Variants in NIPBL observed in about 807,000 individuals in gnomAD.
NIPBL encodes NIPBL cohesin loading factor.
A neutral mutation model predicts 321.8 loss-of-function variants in NIPBL; 19 were observed. The ratio of observed to expected loss-of-function variants is 0.06; its 90% CI spans 0.04 to 0.09. The LOEUF (loss-of-function observed/expected upper bound fraction) is 0.09. Among genes scored for constraint, NIPBL ranks in the 10% least tolerant of loss-of-function variants. The pLI, the probability that NIPBL is intolerant of heterozygous loss-of-function variation, is 1.00. For synonymous variants in NIPBL, 1,106 were observed against 1,114.1 expected (o/e 0.99, Z 0.14); for missense variants, 2,210 against 3,327.0 (o/e 0.66, Z 8.26).
At chr5:37,015,036 A>G (rs1748773004) in intron 22 of NIPBL, among the ~76,000 whole-genome samples, 1 of 152,070 alleles carries the variant, frequency 6.6e-6, no homozygotes, top group South Asian at 2.1e-4. Context: ...AAATTCTGTA[A>G]TTTGTCTTCA....
At chr5:36,913,706 A>G (rs957952170) in intron 1 of NIPBL, among the ~76,000 whole-genome samples, 5 of 152,110 alleles carry the variant, frequency 3.3e-5, no homozygotes, top group African/African-American at 1.2e-4. Context: ...ATGTGGTAGC[A>G]TATTAGAGGT....
At chr5:36,981,693 G>A (rs913558951) in intron 9 of NIPBL, among the ~76,000 whole-genome samples, 1 of 151,526 alleles carries the variant, frequency 6.6e-6, no homozygotes, top group Non-Finnish European at 1.5e-5. Context: ...TCAAAGAGGG[G>A]GTTCCTTTGT....
intron 1 of NIPBL, among the ~76,000 whole-genome samples, chr5:36,943,858 A>G (rs897236242): frequency 2.0e-5 from 3 of 152,118 alleles, no homozygotes; most frequent in Admixed American, 1.3e-4. Context: ...AGGAGGAGAG[A>G]ATGATCAACT....
At chr5:36,887,691 T>C (rs1193938898) in intron 1 of NIPBL, among the ~76,000 whole-genome samples, 1 of 152,134 alleles carries the variant, frequency 6.6e-6, no homozygotes, top group African/African-American at 2.4e-5. Context: ...TTCCTGTTGA[T>C]CTCATTTATT....
chr5:36,986,776 T>G (rs908707595), intron 10 of NIPBL, among the ~76,000 whole-genome samples: 3 of 152,210 alleles, frequency 2.0e-5, no homozygotes, highest in Non-Finnish European at 4.4e-5. Flanking sequence ...GATGGTTAGT[T>G]AAATATGTTT....
chr5:36,912,604 C>T (rs1481115635), intron 1 of NIPBL, among the ~76,000 whole-genome samples: 1 of 151,156 alleles, frequency 6.6e-6, no homozygotes, highest in African/African-American at 2.4e-5. Context: ...CGGATTCAAG[C>T]GATTCTCCTG....
At chr5:36,959,663 G>C (rs1057395505) in intron 4 of NIPBL, among the ~76,000 whole-genome samples, 2 of 152,286 alleles carry the variant, frequency 1.3e-5, no homozygotes, top group East Asian at 1.9e-4. Flanking sequence ...TCTAATATTG[G>C]ATAAATGAAT....
rs1561138396 is a variant in NIPBL at position 37,000,809 on chromosome 5, C to CT, written c.3503-8_3503-7insT. ...CTGCATTTCAGTACTTCTTTTTGTT[C>CT]GTTTTAGTTGCTAGGAAAATGAAGA... is the stretch of plus-strand genomic sequence containing the variant. On this transcript the variant is annotated splice_polypyrimidine_tract_variant and splice_region_variant and intron_variant, in intron 12 of 46. Coordinates refer to ENST00000282516, the MANE Select transcript of NIPBL (RefSeq NM_133433.4). 2 of 1,603,210 alleles carry CT rather than the reference C, an allele frequency of 1.2e-6. No individual in the cohort carries two copies. Among genetic ancestry groups the CT allele is most frequent in the Non-Finnish European group, 1.7e-6 (2 of 1,171,054 alleles).
intron 1 of NIPBL, among the ~76,000 whole-genome samples, chr5:36,911,108 A>T (rs1019018454): frequency 6.6e-6 from 1 of 152,194 alleles, no homozygotes; most frequent in Non-Finnish European, 1.5e-5. Context: ...AACCCGCTAG[A>T]AATTGGTCAG....
chr5:37,010,948 A>C (rs1220432834), intron 21 of NIPBL, among the ~76,000 whole-genome samples: 3 of 152,220 alleles, frequency 2.0e-5, no homozygotes, highest in Non-Finnish European at 4.4e-5. Context: ...ATGATATTCA[A>C]AGGAAATATT....
rs1011129543 is a variant in NIPBL, at chr5:36,882,808, G to T, written c.-80+5630G>T. Among the ~76,000 whole-genome samples, 5 of 151,534 alleles carry T rather than the reference G, an allele frequency of 3.3e-5. No individual in the cohort carries two copies. In the South Asian group the frequency reaches 1.0e-3, roughly 31 times the overall value. ...TGAAGTTAGTGACACTGTTTTTCTT[G>T]TGGAGCTTACAAGAGTAATTCTAAA... On this transcript the variant is annotated intron_variant, in intron 1 of 46. Transcript: ENST00000282516.
intron 32 of NIPBL, among the ~76,000 whole-genome samples, chr5:37,035,938 G>T (rs571182831): frequency 6.6e-6 from 1 of 152,106 alleles, no homozygotes; most frequent in Non-Finnish European, 1.5e-5. Context: ...GGATAATGCA[G>T]AAAAGAAATC....
intron 1 of NIPBL, among the ~76,000 whole-genome samples, chr5:36,950,033 A>C (rs55886401): frequency 0.017 from 2,638 of 152,014 alleles, 31 homozygotes; most frequent in Middle Eastern, 0.044. Flanking sequence ...ATGATTTCTC[A>C]ATGTATTTTG....
rs1441662828 is a variant in NIPBL, at chr5:37,007,577, A to G, written c.4239+103A>G. 4 of 792,470 alleles carry G rather than the reference A, an allele frequency of 5.0e-6. No individual in the cohort carries two copies. The African/African-American group carries it at 5.2e-5, about 10-fold the overall frequency. The allele number at this position is 792,470 out of a possible 1,614,324, so 49.1% of individuals were successfully genotyped here. A position where few individuals can be genotyped will look rare whatever the true frequency, so the allele number is the denominator to read the frequency against. ...TAAGACCAGCACTATATTATCAAGA[A>G]TTTTTCCTGTTAAGAGTATGTTATA... On this transcript the variant is annotated intron_variant, in intron 18 of 46. Coordinates refer to ENST00000282516, the MANE Select transcript of NIPBL (RefSeq NM_133433.4).
At chr5:37,010,339 G>A (rs1390200762) in intron 21 of NIPBL, 114 bp downstream of exon 21, 12 of 885,592 alleles carry the variant, frequency 1.4e-5, no homozygotes, top group Admixed American at 9.1e-5. Flanking sequence ...TTTTTGAGAC[G>A]GAGTCTCGCT....
At chr5:37,031,174 C>A (rs1302873725) in intron 32 of NIPBL, among the ~76,000 whole-genome samples, 1 of 151,844 alleles carries the variant, frequency 6.6e-6, no homozygotes, top group Non-Finnish European at 1.5e-5. Context: ...TTAGTAGAGA[C>A]GGGGTTTCAC....
chr5:36,985,995 G>A lies in NIPBL; in HGVS notation c.2815G>A (p.Ala939Thr). 1 of 1,613,934 alleles carries A rather than the reference G, an allele frequency of 6.2e-7. No homozygotes were observed. The change falls in exon 10 of 47, where the codon GCA becomes ACA. Residue 939 changes from alanine to threonine, a missense_variant. By Grantham distance (58) the Ala-to-Thr change is moderately conservative. Coordinates refer to ENST00000282516, the MANE Select transcript of NIPBL (RefSeq NM_133433.4). ...TAATAAAGCACACCCTGACAATAAGGCAGAATTTCCAAGTTATTTGTTGGG... is the reference window on the plus strand; with the variant it reads ...TAATAAAGCACACCCTGACAATAAGACAGAATTTCCAAGTTATTTGTTGGG... ...DTNKAHPDNK[A>T]EFPSYLLGGR...
At chr5:36,893,489 GA>G (rs1351648119) in intron 1 of NIPBL, among the ~76,000 whole-genome samples, 1 of 151,540 alleles carries the variant, frequency 6.6e-6, no homozygotes, top group Non-Finnish European at 1.5e-5. Context: ...ATCACCTAGG[GA>G]TTTTTTTTTT....
intron 33 of NIPBL, 30 bp downstream of exon 33, chr5:37,036,517 T>C (rs1294447003): frequency 4.4e-6 from 4 of 910,306 alleles, no homozygotes; most frequent in African/African-American, 1.7e-5. Flanking sequence ...TATTGATCTT[T>C]AGTTGATTTT....
Sources: allele counts gnomAD v4.1 joint callset (sites outside exome capture counted in the v4.1 genomes callset), GRCh38; gene constraint gnomAD v4.1.1; transcripts MANE v1.5; gene names NCBI Gene and HGNC (gene_info 2026-07-23, HGNC 2026-07-21).